ABCA13: variants seen among roughly 807,000 people sequenced by gnomAD.
The protein encoded by ABCA13 is ATP-binding cassette sub-family A member 13.
A neutral mutation model predicts 478.7 loss-of-function variants in ABCA13; 476 were observed. The observed-to-expected ratio is 0.99, with a 90% CI of 0.92 to 1.07. The LOEUF is 1.07. Among genes scored for constraint, ABCA13 ranks in the 50% least tolerant of loss-of-function variants. The pLI is 0.00. For synonymous variants in ABCA13, 2,252 were observed against 2,158.9 expected, an observed-to-expected ratio of 1.04 and a Z score of -1.20; for missense variants, 6,060 against 5,910.6, an observed-to-expected ratio of 1.03 and a Z score of -0.83.
chr7:48,615,140 G>C, intron 58 of ABCA13, 145 bp from the exon 59 acceptor site: 1 of 398,820 alleles, frequency 2.5e-6, no homozygotes, highest in Non-Finnish European at 4.4e-6. Flanking sequence ...AAAAGCTTTT[G>C]ATTTGGTTAC....
chr7:48,476,620 C>G (rs1161284234), intron 45 of ABCA13, among the ~76,000 whole-genome samples: 1 of 152,082 alleles, frequency 6.6e-6, no homozygotes, highest in Non-Finnish European at 1.5e-5. Context: ...AGAGGCTGAC[C>G]CCATCGTGGA....
chr7:48,279,530 T>C lies in ABCA13; in HGVS notation c.8336T>C (p.Leu2779Ser). 1 of 1,613,528 alleles carries C rather than the reference T, an allele frequency of 6.2e-7. No homozygotes were observed. The highest frequency in any genetic ancestry group is 8.5e-7 in the Non-Finnish European group (1 of 1,179,672). The change falls in exon 18 of 62, where the codon TTA (leucine) becomes TCA (serine). Residue 2779 changes from leucine to serine, a missense_variant. By Grantham distance (145) the Leu-to-Ser change is moderately radical. Around this residue, in one of 3 missense-constraint regions of ABCA13, gnomAD observed 4,423 missense variants for 4,309.1 expected, o/e 1.03. Coordinates refer to ENST00000435803, the MANE Select transcript of ABCA13 (RefSeq NM_152701.5). ...CTTTTGAAAACCATAGAAACAGTTT[T>C]AGAGGCCTCCAGTGGAATTAAAAGT... ...NNLLKTIETV[L>S]EASSGIKSDY...
intron 15 of ABCA13, among the ~76,000 whole-genome samples, chr7:48,268,118 G>A (rs1435598933): frequency 6.6e-6 from 1 of 151,976 alleles, no homozygotes; most frequent in Non-Finnish European, 1.5e-5. Context: ...CTGGTCCTGA[G>A]CACCAGAAAC....
At chr7:48,208,637 G>T (rs1785234139) in intron 3 of ABCA13, among the ~76,000 whole-genome samples, 1 of 151,678 alleles carries the variant, frequency 6.6e-6, no homozygotes, top group Admixed American at 6.6e-5. Context: ...ACATGCTATT[G>T]ATTTTTCTTT....
Position 48,272,164 on chromosome 7 carries a change from A to G in ABCA13, c.2498A>G (p.Lys833Arg), listed in dbSNP as rs1795702453. 2 of 1,613,018 alleles carry G rather than the reference A, an allele frequency of 1.2e-6. No homozygotes were observed. The highest frequency in any genetic ancestry group is 1.7e-6 in the Non-Finnish European group (2 of 1,179,444). Reference sequence around the variant, plus strand: ...TTAATACTTTTTGAAATTAATCCCAAATTACTAGAATTATGGGCCTATGGC... The same window carrying G: ...TTAATACTTTTTGAAATTAATCCCAGATTACTAGAATTATGGGCCTATGGC... ...IELILFEINP[K>R]LLELWAYGIS... is the part of the protein sequence containing the mutation. Residue 833 changes from lysine to arginine, a missense_variant, in exon 17 of 62, where the codon AAA becomes AGA. Lys to Arg is a conservative substitution (Grantham distance 26). Transcript: ENST00000435803.
At chr7:48,483,244 G>T in intron 47 of ABCA13, 81 bp downstream of exon 47, 1 of 1,222,074 alleles carries the variant, frequency 8.2e-7, no homozygotes, top group Non-Finnish European at 1.2e-6. Flanking sequence ...TTGAGCACAG[G>T]GTTCAGAAGG....
intron 16 of ABCA13, among the ~76,000 whole-genome samples, chr7:48,270,066 C>T (rs1223933871): frequency 1.3e-5 from 2 of 152,006 alleles, no homozygotes; most frequent in African/African-American, 2.4e-5. Context: ...TATTTGTGGA[C>T]CCATAGCAGT....
chr7:48,414,562 A>G (rs780298244), intron 41 of ABCA13, among the ~76,000 whole-genome samples: 33 of 150,010 alleles, frequency 2.2e-4, no homozygotes, highest in Non-Finnish European at 4.3e-4. Flanking sequence ...CACATAATAT[A>G]CATATGTATA....
chr7:48,420,615 C>G (rs73694626), intron 41 of ABCA13, among the ~76,000 whole-genome samples: 1 of 151,986 alleles, frequency 6.6e-6, no homozygotes, highest in African/African-American at 2.4e-5. Flanking sequence ...AGTGGGTTCC[C>G]TTTGTACCTT....
chr7:48,567,025 G>A (rs2131299176), intron 55 of ABCA13, among the ~76,000 whole-genome samples: 1 of 152,284 alleles, frequency 6.6e-6, no homozygotes, highest in African/African-American at 2.4e-5. Context: ...TGAGTGAGGT[G>A]ATTCCCACTA....
chr7:48,307,207 T>A (rs1016056399), intron 23 of ABCA13, among the ~76,000 whole-genome samples: 1 of 152,190 alleles, frequency 6.6e-6, no homozygotes, highest in Non-Finnish European at 1.5e-5. Context: ...TATGTGAACA[T>A]TATAGTGTAT....
chr7:48,445,031 A>G (rs1194210939), intron 42 of ABCA13, among the ~76,000 whole-genome samples: 1 of 144,270 alleles, frequency 6.9e-6, no homozygotes, highest in Non-Finnish European at 1.5e-5. Context: ...TTTTTGAGAC[A>G]GAGTTTCACT....
In ABCA13 at chr7:48,278,636, C is replaced by A. The variant is rs1796608963; in HGVS notation, c.7442C>A (p.Ala2481Asp). 1.2e-6 allele frequency: 2 copies of A among 1,613,486 alleles called. No homozygotes were observed. The stretch of plus-strand genomic sequence containing the variant: ...GAAATTACTAAGAGATTAGTTGGTG[C>A]TATTTCAAGAGCAAGTGAAGAAAGT... ...TLEITKRLVG[A>D]ISRASEESHV... The change falls in exon 18 of 62, where the codon GCT becomes GAT. Residue 2481 changes from alanine (A) to aspartate (D), a missense_variant. Around this residue, in one of 3 missense-constraint regions of ABCA13, gnomAD observed 4,423 missense variants for 4,309.1 expected, o/e 1.03. Transcript: ENST00000435803.
chr7:48,225,084 T>C (rs1343815879), intron 5 of ABCA13, among the ~76,000 whole-genome samples: 1 of 150,548 alleles, frequency 6.6e-6, no homozygotes, highest in African/African-American at 2.5e-5. Context: ...ATACTGGGAT[T>C]ATAGGCGTTA....
intron 30 of ABCA13, among the ~76,000 whole-genome samples, chr7:48,351,888 A>T (rs972053471): frequency 1.3e-5 from 2 of 152,240 alleles, no homozygotes; most frequent in Non-Finnish European, 2.9e-5. Context: ...AAAACCCTGC[A>T]AAAAACATCT....
At chr7:48,356,049 T>A (rs1460071646) in intron 31 of ABCA13, among the ~76,000 whole-genome samples, 4 of 151,556 alleles carry the variant, frequency 2.6e-5, no homozygotes, top group African/African-American at 7.3e-5. Context: ...AAGAGGTAAA[T>A]GAGAAGAGGA....
intron 55 of ABCA13, among the ~76,000 whole-genome samples, chr7:48,538,447 T>G (rs56393952): frequency 0.13 from 20,263 of 152,084 alleles, 1,676 homozygotes; most frequent in African/African-American, 0.21. Flanking sequence ...TTTTAAAGAC[T>G]TTTTTGAAGT....
Position 48,644,706 on chromosome 7 carries a change from CT to C in ABCA13, c.15035del (p.Phe5012SerfsTer2). 6.2e-7 allele frequency: 1 copy of C among 1,608,946 alleles called. No individual in the cohort carries two copies. Among genetic ancestry groups the C allele is most frequent in the Non-Finnish European group, 8.5e-7 (1 of 1,178,586 alleles). On this transcript the variant is annotated frameshift_variant, in exon 61 of 62. Coordinates refer to ENST00000435803, the MANE Select transcript of ABCA13 (RefSeq NM_152701.5). LOFTEE classifies it low-confidence loss of function (END_TRUNC). ...TCAAAGTTATAGAGAACAATAAAAC[CT>C]TCTTGAATATTAAGCATTATTCCAT... ...LFKVIENNKT[F>X]LNIKHYSINQ...
intron 19 of ABCA13, among the ~76,000 whole-genome samples, chr7:48,287,659 A>C (rs912266626): frequency 6.6e-6 from 1 of 152,358 alleles, no homozygotes; most frequent in Admixed American, 6.5e-5. Flanking sequence ...TGTCCTGGGC[A>C]AACTGGGGTG....
Sources: allele counts gnomAD v4.1 joint callset (sites outside exome capture counted in the v4.1 genomes callset), GRCh38; gene constraint gnomAD v4.1.1; regional missense constraint gnomAD v4.1.1; transcripts MANE v1.5; gene names NCBI Gene and HGNC (gene_info 2026-07-23, HGNC 2026-07-21).